Variants in TJP2 observed in about 807,000 individuals in gnomAD.
TJP2 encodes tight junction protein 2, also known as Friedreich ataxia region gene X104 (tight junction protein ZO-2).
TJP2 carries 91 observed loss-of-function variants against 133.1 expected under a neutral mutation model. The observed-to-expected ratio is 0.68, with a 90% CI of 0.58 to 0.81. TJP2 has a LOEUF of 0.81. Among genes scored for constraint, TJP2 ranks in the 40% least tolerant of loss-of-function variants. The pLI, the probability that TJP2 is intolerant of heterozygous loss-of-function variation, is 0.00. For missense variants in TJP2, 1,541 were observed against 1,565.6 expected, an observed-to-expected ratio of 0.98 and a Z score of 0.26; for synonymous variants, 592 against 583.4, an observed-to-expected ratio of 1.01 and a Z score of -0.21.
At chr9:69,226,220 C>G (rs371419095) in intron 7 of TJP2, 45 bp downstream of exon 7, 15 of 1,595,070 alleles carry the variant, frequency 9.4e-6, no homozygotes, top group Non-Finnish European at 1.3e-5. Context: ...GTAAGGAAGG[C>G]TGTTGCTTCC....
intron 1 of TJP2, among the ~76,000 whole-genome samples, chr9:69,136,046 C>T (rs7020849): frequency 0.89 from 135,070 of 152,242 alleles, 60,029 homozygotes; most frequent in East Asian, 1. Context: ...ATCATACCTA[C>T]CTTTTAGGCT....
intron 1 of TJP2, among the ~76,000 whole-genome samples, chr9:69,192,918 C>T (rs934419516): frequency 2.4e-5 from 3 of 123,908 alleles, no homozygotes; most frequent in Non-Finnish European, 4.8e-5. Context: ...CCTTCTCTCT[C>T]ACTTTTTTTT....
intron 17 of TJP2, 62 bp downstream of exon 17, chr9:69,240,209 GAAGA>G: frequency 7.2e-7 from 1 of 1,394,010 alleles, no homozygotes; most frequent in South Asian, 1.2e-5. Flanking sequence ...TTGAAGAGTA[GAAGA>G]AATAATTAAT....
At chr9:69,216,184 A>G (rs2133236929) in intron 2 of TJP2, among the ~76,000 whole-genome samples, 155 bp from the exon 3 acceptor site, 1 of 152,258 alleles carries the variant, frequency 6.6e-6, no homozygotes, top group Non-Finnish European at 1.5e-5. Flanking sequence ...GACAATGACT[A>G]TGCTTTGTTT....
intron 5 of TJP2, among the ~76,000 whole-genome samples, chr9:69,223,819 T>C (rs914020755): frequency 3.3e-5 from 5 of 152,260 alleles, no homozygotes; most frequent in Non-Finnish European, 7.3e-5. Flanking sequence ...ACAACACTTC[T>C]AATCTTTGTG....
intron 4 of TJP2, among the ~76,000 whole-genome samples, chr9:69,218,756 C>G (rs1170235490): frequency 6.6e-6 from 1 of 152,190 alleles, no homozygotes; most frequent in Non-Finnish European, 1.5e-5. Context: ...AGAAGACTGT[C>G]TATAATCTTC....
At position 69,174,324 on chromosome 9, in the gene TJP2, G is replaced by A. The variant is rs766065081; in HGVS notation, c.-49G>A. On this transcript the variant is annotated 5_prime_UTR_variant, in exon 1 of 23. Coordinates refer to ENST00000377245, the MANE Select transcript of TJP2 (RefSeq NM_004817.4). ...AGGAGGAGTAGGAGCAGGAGCAGAA[G>A]CAGAAGCGGGGTCCGGAGCTGCGCG... 8 of 1,550,878 alleles carry A rather than the reference G, an allele frequency of 5.2e-6. No individual in the cohort carries two copies. The highest frequency in any genetic ancestry group is 2.4e-5 in the South Asian group (2 of 84,030).
intron 15 of TJP2, 70 bp from the exon 16 acceptor site, chr9:69,238,640 G>A: frequency 8.2e-7 from 1 of 1,223,098 alleles, no homozygotes; most frequent in Non-Finnish European, 1.2e-6. Flanking sequence ...ATTGCTTGAT[G>A]CTAGGTGGGA....
At position 69,227,800 on chromosome 9, in the gene TJP2, C is replaced by G. The variant is rs770460768; in HGVS notation, c.1246C>G (p.Pro416Ala). 3 of 1,613,576 alleles carry G rather than the reference C, an allele frequency of 1.9e-6. No homozygotes were observed. The highest frequency in any genetic ancestry group is 2.2e-5 in the South Asian group (2 of 91,054). ...SEIESNRSFS[P>A]EERRHQYSDY... is the part of the protein sequence containing the mutation. Reference sequence around the variant, plus strand: ...AATAGAGTCAAACCGATCATTTTCTCCAGAGGAGAGACGTCATCAGTATTC... The same window carrying G: ...AATAGAGTCAAACCGATCATTTTCTGCAGAGGAGAGACGTCATCAGTATTC... The change falls in exon 8 of 23, where the codon CCA becomes GCA. Residue 416 changes from proline to alanine, a missense_variant. Transcript: ENST00000377245.
chr9:69,212,759 A>C (rs1192896319), intron 2 of TJP2, among the ~76,000 whole-genome samples, 158 bp downstream of exon 2: 1 of 152,178 alleles, frequency 6.6e-6, no homozygotes, highest in East Asian at 1.9e-4. Context: ...CTATGTTAAC[A>C]AAGATTTGCA....
At chr9:69,142,803 TAA>T in intron 1 of TJP2, among the ~76,000 whole-genome samples, 1 of 152,354 alleles carries the variant, frequency 6.6e-6, no homozygotes, top group South Asian at 2.1e-4. Context: ...CATCCTGACT[TAA>T]AAGCTTTTTT....
intron 1 of TJP2, among the ~76,000 whole-genome samples, chr9:69,206,995 C>A (rs180775372): frequency 6.6e-6 from 1 of 152,290 alleles, no homozygotes; most frequent in Admixed American, 6.5e-5. Flanking sequence ...ATCTGCAGAC[C>A]ATCACCAAGA....
intron 20 of TJP2, 76 bp from the exon 21 acceptor site, chr9:69,250,959 G>A: frequency 7.4e-7 from 1 of 1,355,854 alleles, no homozygotes; most frequent in Non-Finnish European, 1.0e-6. Flanking sequence ...AGGAAATGGA[G>A]TGTATTAAAT....
chr9:69,232,033 G>A (rs1469924558), intron 11 of TJP2, among the ~76,000 whole-genome samples: 1 of 152,212 alleles, frequency 6.6e-6, no homozygotes, highest in Non-Finnish European at 1.5e-5. Flanking sequence ...TTCACCTAGA[G>A]GCTTGGCAGT....
At chr9:69,241,934 C>T (rs1830603992) in intron 17 of TJP2, among the ~76,000 whole-genome samples, 1 of 152,174 alleles carries the variant, frequency 6.6e-6, no homozygotes, top group African/African-American at 2.4e-5. Context: ...AAAACTGAAG[C>T]CAAAGTGATT....
chr9:69,214,213 G>A (rs1012413530), intron 2 of TJP2, among the ~76,000 whole-genome samples: 1 of 152,044 alleles, frequency 6.6e-6, no homozygotes, highest in African/African-American at 2.4e-5. Context: ...AGCCTCCTAA[G>A]TAGCTGGGAT....
intron 1 of TJP2, among the ~76,000 whole-genome samples, chr9:69,150,636 ATTTG>A (rs919876934): frequency 6.6e-6 from 1 of 152,122 alleles, no homozygotes; most frequent in African/African-American, 2.4e-5. Context: ...ACCCGCTGAT[ATTTG>A]TTTAACCTGA....
rs145066365 is a variant in TJP2, at chr9:69,174,404, C to G, written c.32C>G (p.Pro11Arg). The change falls in exon 1 of 23, where the codon CCC becomes CGC. Residue 11 changes from proline to arginine, a missense_variant. Physicochemically the swap from Pro to Arg is moderately radical, Grantham distance 103 (BLOSUM62 -2). Transcript: ENST00000377245. MPVRGDRGFP[P>R]RRELSGWLRA... ...GTGCGAGGAGACCGCGGGTTTCCAC[C>G]CCGGCGGGAGCTGTCAGGTTGGCTC... 19 of 1,551,778 alleles carry G rather than the reference C, an allele frequency of 1.2e-5. No homozygotes were observed. In the African/African-American group the frequency reaches 2.5e-4, roughly 20 times the overall value.
intron 1 of TJP2, 73 bp downstream of exon 1, chr9:69,174,505 C>G: frequency 2.1e-6 from 3 of 1,452,912 alleles, no homozygotes; most frequent in Non-Finnish European, 2.8e-6. Flanking sequence ...GGGGGCTCTG[C>G]TCGCGTGCTG....
Sources: allele counts gnomAD v4.1 joint callset (sites outside exome capture counted in the v4.1 genomes callset), GRCh38; gene constraint gnomAD v4.1.1; transcripts MANE v1.5; gene names NCBI Gene and HGNC (gene_info 2026-07-23, HGNC 2026-07-21).